ZNF567: variants seen among roughly 807,000 people sequenced by gnomAD.
The protein encoded by ZNF567 is zinc finger protein 567.
Under a neutral mutation model 53.9 loss-of-function variants are expected in ZNF567, and 36 were observed. The observed-to-expected ratio is 0.67, with a 90% CI of 0.51 to 0.88. The LOEUF (loss-of-function observed/expected upper bound fraction) is 0.88, where lower values mean the gene tolerates loss of function less well. ZNF567 is among the 40% of genes least tolerant of loss of function. The pLI is 0.00. For synonymous variants in ZNF567, 224 were observed against 260.4 expected (o/e 0.86, Z 1.35); for missense variants, 619 against 764.7 (o/e 0.81, Z 2.25).
chr19:36,712,962 CTT>C, intron 5 of ZNF567, 95 bp downstream of exon 5: 1 of 996,064 alleles, frequency 1.0e-6, no homozygotes, highest in Non-Finnish European at 1.5e-6. Context: ...TCAGGAGTAT[CTT>C]TTTTTAAAGG....
intron 1 of ZNF567, among the ~76,000 whole-genome samples, chr19:36,689,015 T>C (rs975459553): frequency 2.0e-5 from 3 of 151,882 alleles, no homozygotes; most frequent in African/African-American, 7.3e-5. Context: ...GGGGAATCGC[T>C]TGAACTCGGA....
intron 3 of ZNF567, among the ~76,000 whole-genome samples, chr19:36,707,685 C>T (rs1200017635): frequency 1.3e-5 from 2 of 152,100 alleles, no homozygotes; most frequent in Admixed American, 1.3e-4. Flanking sequence ...TTAAGTGATT[C>T]TCCTGCCTCA....
intron 3 of ZNF567, among the ~76,000 whole-genome samples, chr19:36,703,294 TCA>T (rs2039308038): frequency 6.6e-6 from 1 of 152,068 alleles, no homozygotes; most frequent in Non-Finnish European, 1.5e-5. Context: ...AAGTTTTGTC[TCA>T]GAGGAGTACC....
At chr19:36,679,025 G>A in the ZNF567 span, among the ~76,000 whole-genome samples, 45,207 of 151,800 alleles carry the variant, frequency 0.3, 6,771 homozygotes, top group African/African-American at 0.33. Flanking sequence ...GGTGGCTCAC[G>A]CCTGTAATCC....
At chr19:36,692,656 A>G (rs189623450) in intron 2 of ZNF567, among the ~76,000 whole-genome samples, 1 of 152,268 alleles carries the variant, frequency 6.6e-6, no homozygotes, top group Non-Finnish European at 1.5e-5. Context: ...GATTACAGGC[A>G]TGAGCTACCT....
At chr19:36,704,121 C>T (rs1237100284) in intron 3 of ZNF567, among the ~76,000 whole-genome samples, 4 of 152,182 alleles carry the variant, frequency 2.6e-5, no homozygotes, top group Admixed American at 2.0e-4. Context: ...TAGTTTTTAT[C>T]ATGAATGAGT....
the ZNF567 span, among the ~76,000 whole-genome samples, chr19:36,667,537 CCATT>C: frequency 6.6e-6 from 1 of 151,822 alleles, no homozygotes; most frequent in South Asian, 2.1e-4. Flanking sequence ...ATATTTGACT[CCATT>C]TATTTATTTA....
At chr19:36,686,974 G>T (rs2038288826), upstream of ZNF567, among the ~76,000 whole-genome samples, 1 of 152,152 alleles carries the variant, frequency 6.6e-6, no homozygotes, top group Non-Finnish European at 1.5e-5. Context: ...CGCGGGCCAT[G>T]CTTCATTGCA....
chr19:36,718,569 G>A (rs775184417), intron 5 of ZNF567, among the ~76,000 whole-genome samples: 16 of 151,898 alleles, frequency 1.1e-4, no homozygotes, highest in Non-Finnish European at 1.6e-4. Flanking sequence ...TAGTATTTTC[G>A]CTAAACAAAG....
chr19:36,719,887 C>G lies in ZNF567; in HGVS notation c.1163C>G (p.Thr388Arg), dbSNP rs143168232. The G allele has an allele frequency of 3.5e-5, 56 of 1,609,292 alleles. No homozygotes were observed. In the East Asian group the frequency reaches 1.2e-3, roughly 35 times the overall value. ...CTCTCTCTACATCAGAGAATCCATA[C>G]AGGTGAGAAACCCTACATTTGTAAA... is the stretch of plus-strand genomic sequence containing the variant. Reference protein sequence around the residue: ...TTLSLHQRIHTGEKPYICKEC... With the variant: ...TTLSLHQRIHRGEKPYICKEC... Residue 388 changes from threonine to arginine, a missense_variant, in exon 6 of 6, where the codon ACA (threonine) becomes AGA (arginine). Transcript: ENST00000682579.
the ZNF567 span, among the ~76,000 whole-genome samples, chr19:36,677,040 AGC>A: frequency 4.0e-5 from 6 of 151,544 alleles, no homozygotes; most frequent in Non-Finnish European, 8.8e-5. Context: ...CTGTAATCCC[AGC>A]TACTTGGGAG....
chr19:36,687,400 C>G (rs1336123066), upstream of ZNF567: 1 of 152,468 alleles, frequency 6.6e-6, no homozygotes, highest in Non-Finnish European at 1.5e-5. Context: ...GGCTTCCTCA[C>G]CGTGAGCGCC....
chr19:36,726,489 C>G (rs543886324), downstream of ZNF567, among the ~76,000 whole-genome samples: 1 of 152,282 alleles, frequency 6.6e-6, no homozygotes, highest in East Asian at 1.9e-4. Flanking sequence ...TCTACTGACA[C>G]CTGGGTGGAA....
chr19:36,678,697 C>T, the ZNF567 span, among the ~76,000 whole-genome samples: 10 of 150,564 alleles, frequency 6.6e-5, no homozygotes, highest in African/African-American at 1.5e-4. Flanking sequence ...ACAAAAAATT[C>T]GCCAGGCGTA....
At chr19:36,674,878 C>G in the ZNF567 span, among the ~76,000 whole-genome samples, 2 of 152,008 alleles carry the variant, frequency 1.3e-5, no homozygotes, top group African/African-American at 4.8e-5. Context: ...CCCAGCCACC[C>G]AAGTAACTGG....
chr19:36,683,811 A>C (rs1159494065), upstream of ZNF567, among the ~76,000 whole-genome samples: 2 of 152,140 alleles, frequency 1.3e-5, no homozygotes, highest in African/African-American at 4.8e-5. Context: ...TAGCCTGGCA[A>C]CAAGAGTGAG....
At chr19:36,722,963 A>G (rs1016024001), downstream of ZNF567, among the ~76,000 whole-genome samples, 2 of 149,760 alleles carry the variant, frequency 1.3e-5, no homozygotes, top group East Asian at 3.8e-4. Flanking sequence ...AAGATTTTTT[A>G]AAGTATACAT....
the ZNF567 span, among the ~76,000 whole-genome samples, chr19:36,670,272 C>T: frequency 2.0e-5 from 3 of 152,108 alleles, no homozygotes; most frequent in Admixed American, 6.6e-5. Flanking sequence ...ACTAAATCTA[C>T]TTAGTAACCG....
chr19:36,694,880 A>G lies in ZNF567; in HGVS notation c.9+4A>G. On this transcript the variant is annotated splice_donor_region_variant and intron_variant, in intron 3 of 5. Coordinates refer to ENST00000682579, the MANE Select transcript of ZNF567 (RefSeq NM_001322917.1). ...ATATCTCAAAACCATGGCTCAGGTA[A>G]GGCGATGGTTTCTCTCTCCTTTCTG... 1 of 1,519,624 alleles carries G rather than the reference A, an allele frequency of 6.6e-7. No homozygotes were observed. 94.1% of individuals were successfully genotyped at this position (1,519,624 alleles called of 1,614,324 possible).
Sources: allele counts gnomAD v4.1 joint callset (sites outside exome capture counted in the v4.1 genomes callset), GRCh38; gene constraint gnomAD v4.1.1; transcripts MANE v1.5; gene names NCBI Gene and HGNC (gene_info 2026-07-23, HGNC 2026-07-21).